The following GSG1L variants were observed in gnomAD, a reference collection of about 807,000 sequenced individuals.
GSG1L encodes the protein germ cell-specific gene 1-like protein.
A neutral mutation model predicts 42.1 loss-of-function variants in GSG1L; 24 were observed. The observed-to-expected ratio is 0.57, with a 90% CI of 0.41 to 0.80. The LOEUF (loss-of-function observed/expected upper bound fraction) is 0.80, where lower values mean the gene tolerates loss of function less well. Among genes scored for constraint, GSG1L ranks in the 30% least tolerant of loss-of-function variants. The pLI is 0.00. For missense variants in GSG1L, 445 were observed against 472.2 expected, an observed-to-expected ratio of 0.94 and a Z score of 0.53; for synonymous variants, 215 against 203.5, an observed-to-expected ratio of 1.06 and a Z score of -0.48.
At chr16:28,058,343 G>C (rs2086301737) in intron 1 of GSG1L, among the ~76,000 whole-genome samples, 1 of 152,138 alleles carries the variant, frequency 6.6e-6, no homozygotes, top group Non-Finnish European at 1.5e-5. Flanking sequence ...AGTTATACTT[G>C]TCAGGCCAGC....
intron 1 of GSG1L, among the ~76,000 whole-genome samples, chr16:28,017,772 C>T (rs931589961): frequency 6.6e-6 from 1 of 152,112 alleles, no homozygotes. Context: ...AATTCAAGGA[C>T]AGGCAAAATT....
At chr16:27,872,072 CAG>C (rs1214727095) in intron 3 of GSG1L, among the ~76,000 whole-genome samples, 1 of 152,170 alleles carries the variant, frequency 6.6e-6, no homozygotes, top group Non-Finnish European at 1.5e-5. Flanking sequence ...GTTAAGAAAA[CAG>C]ATTTTGGCCT....
At chr16:27,819,228 G>A (rs542676518) in intron 5 of GSG1L, among the ~76,000 whole-genome samples, 3 of 147,686 alleles carry the variant, frequency 2.0e-5, no homozygotes, top group South Asian at 4.3e-4. Flanking sequence ...CCAGCCTGGC[G>A]ACAGAACAAG....
intron 1 of GSG1L, among the ~76,000 whole-genome samples, chr16:27,967,619 G>A (rs1464671310): frequency 4.6e-5 from 7 of 152,182 alleles, no homozygotes; most frequent in African/African-American, 1.7e-4. Context: ...AGAACTAGAA[G>A]GAAGGATTAA....
chr16:28,000,198 T>C (rs2141143193), intron 1 of GSG1L, among the ~76,000 whole-genome samples: 1 of 152,340 alleles, frequency 6.6e-6, no homozygotes, highest in East Asian at 1.9e-4. Context: ...CGGGGCGCAG[T>C]GGCTCACGCC....
intron 3 of GSG1L, among the ~76,000 whole-genome samples, chr16:27,859,238 G>C (rs1396787617): frequency 6.6e-6 from 1 of 152,140 alleles, no homozygotes; most frequent in Non-Finnish European, 1.5e-5. Flanking sequence ...GCTCATAGAG[G>C]GGCCTAGACA....
chr16:28,051,616 A>G (rs1266264637), intron 1 of GSG1L, among the ~76,000 whole-genome samples: 2 of 152,090 alleles, frequency 1.3e-5, no homozygotes, highest in Non-Finnish European at 2.9e-5. Context: ...GTTTGAGGGA[A>G]GTGATGGTGT....
chr16:27,934,288 A>G (rs2084690325), intron 2 of GSG1L, among the ~76,000 whole-genome samples: 2 of 152,186 alleles, frequency 1.3e-5, no homozygotes, highest in Admixed American at 6.5e-5. Flanking sequence ...TCACGCCTGT[A>G]ATCCCAGCAC....
At chr16:27,925,762 G>C (rs2084585651) in intron 2 of GSG1L, among the ~76,000 whole-genome samples, 1 of 152,122 alleles carries the variant, frequency 6.6e-6, no homozygotes, top group Non-Finnish European at 1.5e-5. Flanking sequence ...GAGGGGCTGG[G>C]GGTGACAAGG....
intron 3 of GSG1L, among the ~76,000 whole-genome samples, chr16:27,874,246 G>C (rs1251702338): frequency 6.6e-6 from 1 of 152,052 alleles, no homozygotes; most frequent in African/African-American, 2.4e-5. Context: ...GACTCAAAAT[G>C]GGGGCTGCGG....
intron 1 of GSG1L, among the ~76,000 whole-genome samples, chr16:28,036,442 G>A (rs775600254): frequency 1.1e-4 from 16 of 152,186 alleles, no homozygotes; most frequent in Non-Finnish European, 1.5e-4. Flanking sequence ...ATGGGAGTTA[G>A]TGGAGAAAGA....
intron 1 of GSG1L, among the ~76,000 whole-genome samples, chr16:28,045,088 G>A (rs1018206714): frequency 1.1e-4 from 16 of 152,252 alleles, no homozygotes; most frequent in South Asian, 6.2e-4. Context: ...GCAGAGCATC[G>A]GGGATTTTTT....
rs1202592097 is a variant in GSG1L at position 27,803,819 on chromosome 16, A to G, written c.898+3668T>C. 1.3e-5 allele frequency among the ~76,000 whole-genome samples: 2 copies of G among 149,260 alleles called. 1 individual carries two copies. On this transcript the variant is annotated intron_variant, in intron 6 of 6. Coordinates refer to ENST00000447459, the MANE Select transcript of GSG1L (RefSeq NM_001109763.2). ...TAGATAGATAGATATAGATATAGAT[A>G]TAGATATAGATATAGATATATAGAT...
chr16:27,800,333 G>A (rs2082866964), intron 6 of GSG1L, among the ~76,000 whole-genome samples: 1 of 152,194 alleles, frequency 6.6e-6, no homozygotes, highest in Non-Finnish European at 1.5e-5. Flanking sequence ...AGCAGTGGCA[G>A]AGACCCATCT....
Position 27,884,421 on chromosome 16 carries a change from TACTCCAAG to T in GSG1L, c.550+57_550+64del. 2 of 1,485,796 alleles carry T rather than the reference TACTCCAAG, an allele frequency of 1.3e-6. No individual in the cohort carries two copies. The highest frequency in any genetic ancestry group is 1.8e-6 in the Non-Finnish European group (2 of 1,095,548). The allele number at this position is 1,485,796 out of a possible 1,614,324, so 92.0% of individuals were successfully genotyped here. ...CCTCCCGGTTGGTACAACCAGGGCTTACTCCAAGGGCAGCACCCTTTCTCGCCTGTGCT... is the reference window on the plus strand; with the variant it reads ...CCTCCCGGTTGGTACAACCAGGGCTTGGCAGCACCCTTTCTCGCCTGTGCT... On this transcript the variant is annotated intron_variant, in intron 3 of 6. Coordinates refer to ENST00000447459, the MANE Select transcript of GSG1L (RefSeq NM_001109763.2). This position sits in a 1 kb window ranked among gnomAD's most constrained non-coding sequence, Gnocchi z 4.4.
At chr16:28,058,585 A>C (rs1326565266) in intron 1 of GSG1L, among the ~76,000 whole-genome samples, 4 of 150,402 alleles carry the variant, frequency 2.7e-5, no homozygotes, top group African/African-American at 9.9e-5. Context: ...CTGTGCTCAC[A>C]ACACTGTACT....
chr16:27,873,508 T>C (rs996227849), intron 3 of GSG1L, among the ~76,000 whole-genome samples: 1 of 152,226 alleles, frequency 6.6e-6, no homozygotes, highest in Admixed American at 6.5e-5. Context: ...GACTGGGCAC[T>C]GTGACCTGTA....
intron 1 of GSG1L, among the ~76,000 whole-genome samples, chr16:28,014,709 G>C (rs1023457215): frequency 4.9e-5 from 7 of 141,418 alleles, no homozygotes; most frequent in African/African-American, 1.9e-4. Flanking sequence ...ATGTTGTCTA[G>C]GCTGGTCTTG....
chr16:28,046,272 G>A (rs1460039072), intron 1 of GSG1L, among the ~76,000 whole-genome samples: 1 of 151,424 alleles, frequency 6.6e-6, no homozygotes. Flanking sequence ...CACATCCGCA[G>A]GCCGTTAGCT....
Sources: gnomAD v4.1 joint callset for allele counts (sites outside exome capture counted in the v4.1 genomes callset) on GRCh38, gnomAD v4.1.1 for gene constraint, Gnocchi (gnomAD v3.1) non-coding constraint, MANE v1.5 for transcripts, NCBI Gene and HGNC (gene_info 2026-07-23, HGNC 2026-07-21) for gene names.